NME7: variants seen among roughly 807,000 people sequenced by gnomAD.
NME7 encodes the protein NME/NM23 family member 7, also known as nucleoside diphosphate kinase 7.
In NME7, 41 loss-of-function variants were observed where a neutral mutation model predicts 49.1. That is an observed-to-expected ratio of 0.83 (90% CI 0.65 to 1.08). The LOEUF is 1.08. Ranked by LOEUF, NME7 falls within the 50% of genes least tolerant of loss-of-function variation. The probability of loss-of-function intolerance (pLI) is 0.00; values close to 1 mark genes in which losing one functional copy is unlikely to be tolerated. For missense variants in NME7, 423 were observed against 463.4 expected (o/e 0.91, Z 0.80); for synonymous variants, 139 against 150.6 (o/e 0.92, Z 0.56).
chr1:169,212,863 A>C (rs1011189375), intron 10 of NME7, among the ~76,000 whole-genome samples: 19 of 152,242 alleles, frequency 1.2e-4, no homozygotes, highest in Non-Finnish European at 2.5e-4. Context: ...TCCTGGCTTC[A>C]AGTGATCCTC....
At chr1:169,224,957 G>T (rs1416661140) in intron 10 of NME7, among the ~76,000 whole-genome samples, 1 of 152,132 alleles carries the variant, frequency 6.6e-6, no homozygotes, top group East Asian at 1.9e-4. Flanking sequence ...AGGGTGGTGG[G>T]ACCAATATTT....
intron 5 of NME7, among the ~76,000 whole-genome samples, chr1:169,300,092 C>T (rs1390868427): frequency 6.6e-6 from 1 of 152,122 alleles, no homozygotes; most frequent in East Asian, 1.9e-4. Context: ...ATAGATACTG[C>T]TTCATGAAAA....
chr1:169,350,110 T>C (rs976921940), intron 1 of NME7, among the ~76,000 whole-genome samples: 14 of 150,980 alleles, frequency 9.3e-5, no homozygotes, highest in African/African-American at 3.2e-4. Flanking sequence ...GAGAATCACT[T>C]GAACCTGGAA....
chr1:169,357,293 T>A (rs1009548334), intron 1 of NME7, among the ~76,000 whole-genome samples: 5 of 152,070 alleles, frequency 3.3e-5, no homozygotes, highest in Non-Finnish European at 5.9e-5. Flanking sequence ...TCTAGTCTTG[T>A]TCATCTTTGT....
intron 11 of NME7, among the ~76,000 whole-genome samples, chr1:169,136,961 C>T (rs1320494212): frequency 2.6e-5 from 4 of 152,154 alleles, no homozygotes; most frequent in African/African-American, 7.2e-5. Context: ...AATAAGAGTA[C>T]AGATGTGCTT....
chr1:169,287,380 C>A lies in NME7; in HGVS notation c.677G>T (p.Gly226Val). 1 of 1,597,302 alleles carries A rather than the reference C, an allele frequency of 6.3e-7. No homozygotes were observed. Among genetic ancestry groups the A allele is most frequent in the Non-Finnish European group, 8.5e-7 (1 of 1,173,816 alleles). The change falls in exon 7 of 12, where the codon GGA becomes GTA. Residue 226 changes from glycine to valine, a missense_variant. Physicochemically the swap from Gly to Val is moderately radical, Grantham distance 109. Coordinates refer to ENST00000367811, the MANE Select transcript of NME7 (RefSeq NM_013330.5). Reference sequence around the variant, plus strand: ...AGCAGTGTTTGCCGGCCCACAACCTCCACTTGAAGGAAAAAACAACTCCAT... The same window carrying A: ...AGCAGTGTTTGCCGGCCCACAACCTACACTTGAAGGAAAAAACAACTCCAT... ...REMELFFPSS[G>V]GCGPANTAKF...
intron 7 of NME7, among the ~76,000 whole-genome samples, chr1:169,241,780 A>G (rs1442981492): frequency 6.6e-6 from 1 of 151,946 alleles, no homozygotes; most frequent in Non-Finnish European, 1.5e-5. Flanking sequence ...AATTCAAAGT[A>G]CAATGTTAGT....
At chr1:169,242,667 A>C (rs1225842669) in intron 7 of NME7, among the ~76,000 whole-genome samples, 1 of 144,776 alleles carries the variant, frequency 6.9e-6, no homozygotes, top group Non-Finnish European at 1.6e-5. Flanking sequence ...CTGTCTATAT[A>C]GAAAATCCCA....
chr1:169,294,249 G>A (rs1323671342), intron 6 of NME7, among the ~76,000 whole-genome samples: 1 of 152,054 alleles, frequency 6.6e-6, no homozygotes, highest in Non-Finnish European at 1.5e-5. Flanking sequence ...AAGAAAAGCA[G>A]TAAACCAAGA....
intron 10 of NME7, among the ~76,000 whole-genome samples, chr1:169,224,849 G>A (rs953718691): frequency 6.6e-6 from 1 of 151,970 alleles, no homozygotes; most frequent in Admixed American, 6.6e-5. Flanking sequence ...GTAGACAGAC[G>A]GTAAATAAAT....
intron 10 of NME7, among the ~76,000 whole-genome samples, chr1:169,174,320 A>T (rs1016976908): frequency 1.3e-5 from 2 of 152,220 alleles, no homozygotes; most frequent in Non-Finnish European, 2.9e-5. Flanking sequence ...GTCTGGACAA[A>T]GAATAACTTA....
intron 11 of NME7, among the ~76,000 whole-genome samples, chr1:169,149,785 C>T (rs1003107175): frequency 3.3e-5 from 5 of 152,124 alleles, no homozygotes; most frequent in East Asian, 1.9e-4. Context: ...TTAAAACTTA[C>T]GAATTGCTTA....
intron 7 of NME7, among the ~76,000 whole-genome samples, chr1:169,273,250 C>A (rs1184180145): frequency 7.7e-6 from 1 of 130,482 alleles, no homozygotes; most frequent in African/African-American, 2.6e-5. Flanking sequence ...TGATGTTCCC[C>A]TCCCTGTGTC....
intron 7 of NME7, among the ~76,000 whole-genome samples, chr1:169,256,736 GT>G: frequency 8.0e-6 from 1 of 125,364 alleles, no homozygotes; most frequent in East Asian, 2.1e-4. Flanking sequence ...GTACAGATGG[GT>G]TTTTGGTGTG....
intron 2 of NME7, 55 bp downstream of exon 2, chr1:169,324,338 T>C: frequency 1.9e-6 from 2 of 1,080,720 alleles, no homozygotes; most frequent in Non-Finnish European, 2.8e-6. Context: ...TAAAAGGCAA[T>C]GGTTCCCATG....
At chr1:169,251,239 C>CT (rs554440643) in intron 7 of NME7, among the ~76,000 whole-genome samples, 93 of 151,932 alleles carry the variant, frequency 6.1e-4, no homozygotes, top group African/African-American at 2.2e-3. Context: ...CCTTCTTTGT[C>CT]TTTTTTTACT....
chr1:169,233,767 C>T (rs1647739918), intron 9 of NME7, among the ~76,000 whole-genome samples: 1 of 152,036 alleles, frequency 6.6e-6, no homozygotes, highest in South Asian at 2.1e-4. Context: ...GATTTTCTGC[C>T]TCTGATATTG....
At chr1:169,154,904 T>G (rs1382633173) in intron 11 of NME7, among the ~76,000 whole-genome samples, 1 of 152,110 alleles carries the variant, frequency 6.6e-6, no homozygotes, top group African/African-American at 2.4e-5. Flanking sequence ...GAATACTCTA[T>G]TTCTCCAAAT....
intron 3 of NME7, among the ~76,000 whole-genome samples, chr1:169,314,692 C>A (rs373044909): frequency 1.3e-5 from 2 of 151,982 alleles, no homozygotes; most frequent in Middle Eastern, 3.4e-3. Context: ...GTGCAGCAAA[C>A]CACCATGGCA....
Sources: allele counts gnomAD v4.1 joint callset (sites outside exome capture counted in the v4.1 genomes callset), GRCh38; gene constraint gnomAD v4.1.1; transcripts MANE v1.5; gene names NCBI Gene and HGNC (gene_info 2026-07-23, HGNC 2026-07-21).